The following USP6 variants were observed in gnomAD, a reference collection of about 807,000 sequenced individuals.
USP6 encodes the protein ubiquitin specific peptidase 6, also known as ubiquitin carboxyl-terminal hydrolase 6.
Under a neutral mutation model 175.7 loss-of-function variants are expected in USP6, and 128 were observed. The ratio of observed to expected loss-of-function variants is 0.73; its 90% CI spans 0.63 to 0.84. The LOEUF is 0.84. USP6 is among the 40% of genes least tolerant of loss of function. The probability of loss-of-function intolerance (pLI) is 0.00; values close to 1 mark genes in which losing one functional copy is unlikely to be tolerated. For synonymous variants in USP6, 562 were observed against 630.6 expected, an observed-to-expected ratio of 0.89 and a Z score of 1.63; for missense variants, 1,498 against 1,760.3, an observed-to-expected ratio of 0.85 and a Z score of 2.67.
Position 5,168,820 on chromosome 17 carries a change from G to A in USP6, c.3282G>A (p.Gln1094=). 2 of 1,610,606 alleles carry A rather than the reference G, an allele frequency of 1.2e-6. No homozygotes were observed. The highest frequency in any genetic ancestry group is 1.7e-6 in the Non-Finnish European group (2 of 1,178,700). ...QFVNDQWIKS[Q]KIVRFLRESF... The stretch of plus-strand genomic sequence containing the variant: ...TAAATGATCAGTGGATAAAATCACA[G>A]AAAATTGTCAGATTTCTTCGGGAAA... Residue 1094 remains glutamine, a synonymous_variant, in exon 35 of 38, where the codon CAG becomes CAA. Coordinates refer to ENST00000574788, the MANE Select transcript of USP6 (RefSeq NM_001304284.2).
chr17:5,168,889 C>G lies in USP6; in HGVS notation c.3351C>G (p.Leu1117=), dbSNP rs1467733137. ...TTTTGGTACCACGAGACCCGGCCCTCTGCCAGCATAAACCACTCACACCCC... is the reference window on the plus strand; with the variant it reads ...TTTTGGTACCACGAGACCCGGCCCTGTGCCAGCATAAACCACTCACACCCC... ...SAFLVPRDPA[L]CQHKPLTPQG... The change falls in exon 35 of 38, where the codon CTC becomes CTG. Residue 1117 remains leucine, a synonymous_variant. Coordinates refer to ENST00000574788, the MANE Select transcript of USP6 (RefSeq NM_001304284.2). The G allele has an allele frequency of 6.2e-7, 1 of 1,613,856 alleles. No homozygotes were observed. Among genetic ancestry groups the G allele is most frequent in the African/African-American group, 1.3e-5 (1 of 74,924 alleles).
intron 1 of USP6, among the ~76,000 whole-genome samples, 163 bp downstream of exon 1, chr17:5,116,903 C>T (rs542790164): frequency 2.0e-5 from 3 of 152,264 alleles, no homozygotes; most frequent in Non-Finnish European, 2.9e-5. Context: ...GAGCTAGGTA[C>T]GGAGGGAGCA....
chr17:5,171,039 A>C, intron 36 of USP6, 124 bp downstream of exon 36: 1 of 1,226,562 alleles, frequency 8.2e-7, no homozygotes, highest in Non-Finnish European at 1.1e-6. Context: ...AGTGATAGAC[A>C]AAGTTAACAT....
chr17:5,154,251 C>G (rs2073834877), intron 30 of USP6, among the ~76,000 whole-genome samples: 1 of 152,148 alleles, frequency 6.6e-6, no homozygotes, highest in African/African-American at 2.4e-5. Context: ...GGTCTTTTTA[C>G]TTAGAAACTA....
intron 30 of USP6, among the ~76,000 whole-genome samples, chr17:5,154,798 C>CGATCACA: frequency 6.6e-6 from 1 of 151,918 alleles, no homozygotes; most frequent in Non-Finnish European, 1.5e-5. Context: ...TGTAGTGGCA[C>CGATCACA]GATCACAGAT....
intron 31 of USP6, among the ~76,000 whole-genome samples, chr17:5,158,520 T>A: frequency 6.7e-6 from 1 of 148,388 alleles, no homozygotes; most frequent in Non-Finnish European, 1.5e-5. Context: ...TGAGCTGAGA[T>A]CACACCACTG....
At chr17:5,156,121 A>G (rs2073878677) in intron 31 of USP6, among the ~76,000 whole-genome samples, 1 of 152,090 alleles carries the variant, frequency 6.6e-6, no homozygotes, top group Admixed American at 6.5e-5. Flanking sequence ...TTCCCTTACC[A>G]TGTCATTTTA....
At chr17:5,153,724 C>T (rs1361517546) in intron 30 of USP6, among the ~76,000 whole-genome samples, 1 of 151,922 alleles carries the variant, frequency 6.6e-6, no homozygotes, top group Non-Finnish European at 1.5e-5. Context: ...GGCACGATCT[C>T]GGCTCACTGT....
At chr17:5,122,780 G>A (rs942451634) in intron 4 of USP6, among the ~76,000 whole-genome samples, 8 of 152,250 alleles carry the variant, frequency 5.3e-5, no homozygotes, top group African/African-American at 1.7e-4. Context: ...CTCAGGTCCG[G>A]TAGGGCGAGG....
rs933698051 is a variant in USP6 at position 5,154,158 on chromosome 17, A to T, written c.2644-1264A>T. Among the ~76,000 whole-genome samples, 12 of 152,254 alleles carry T rather than the reference A, an allele frequency of 7.9e-5. 1 individual carries two copies. Among genetic ancestry groups the T allele is most frequent in the African/African-American group, 2.9e-4 (12 of 41,474 alleles). ...CTCTGGGTCTCATAATAATAGTAAC[A>T]TATGAAATAGGGTCTTAAAATTATG... On this transcript the variant is annotated intron_variant, in intron 30 of 37. Coordinates refer to ENST00000574788, the MANE Select transcript of USP6 (RefSeq NM_001304284.2).
intron 21 of USP6, 122 bp from the exon 22 acceptor site, chr17:5,139,133 G>T (rs1376930136): frequency 1.9e-6 from 3 of 1,597,666 alleles, no homozygotes; most frequent in Admixed American, 3.3e-5. Flanking sequence ...TGTCGTCAGT[G>T]TCAGACCACA....
chr17:5,162,368 G>A (rs1379320300), intron 32 of USP6, among the ~76,000 whole-genome samples: 5 of 152,052 alleles, frequency 3.3e-5, no homozygotes, highest in African/African-American at 1.2e-4. Flanking sequence ...AACTGGTCTC[G>A]AACTCCTGAC....
At position 5,147,199 on chromosome 17, in the gene USP6, G is replaced by A; in HGVS notation, c.2431+5G>A. The stretch of plus-strand genomic sequence containing the variant: ...CTTCTAGTCCAACACAAATAGGTAA[G>A]ATAGAACTAGAACTCCTTCTCATGA... On this transcript the variant is annotated splice_donor_5th_base_variant and intron_variant, in intron 29 of 37. Coordinates refer to ENST00000574788, the MANE Select transcript of USP6 (RefSeq NM_001304284.2). 6.2e-7 allele frequency: 1 copy of A among 1,605,452 alleles called. No individual in the cohort carries two copies. The highest frequency in any genetic ancestry group is 8.5e-7 in the Non-Finnish European group (1 of 1,173,458).
Position 5,173,777 on chromosome 17 carries a change from C to T in USP6, c.*799C>T, listed in dbSNP as rs1271657336. On this transcript the variant is annotated 3_prime_UTR_variant, in exon 38 of 38. Coordinates refer to ENST00000574788, the MANE Select transcript of USP6 (RefSeq NM_001304284.2). Reference sequence around the variant, plus strand: ...GAAATGTATTCTGCACCCCCGGCCCCGCCCATGCTGAGGGAAGGGGAGCAG... The same window carrying T: ...GAAATGTATTCTGCACCCCCGGCCCTGCCCATGCTGAGGGAAGGGGAGCAG... 9 of 221,760 alleles carry T rather than the reference C, an allele frequency of 4.1e-5. No individual in the cohort carries two copies. The highest frequency in any genetic ancestry group is 1.2e-4 in the Admixed American group (2 of 17,360). 13.7% of individuals were successfully genotyped at this position (221,760 alleles called of 1,614,324 possible). A position where few individuals can be genotyped will look rare whatever the true frequency, so the allele number is the denominator to read the frequency against.
rs2072541919 is a variant in USP6 at position 5,116,451 on chromosome 17, G to C, written c.-2217G>C. On this transcript the variant is annotated 5_prime_UTR_variant, in exon 1 of 38. Transcript: ENST00000574788. ...TGGCCCATGTGAGCCGCCGTCTCGT[G>C]TGGTGTCTGAGGGGCGTCTACCTGG... 6.6e-6 allele frequency: 1 copy of C among 152,352 alleles called. No homozygotes were observed. Among genetic ancestry groups the C allele is most frequent in the Non-Finnish European group, 1.5e-5 (1 of 68,116 alleles). 9.4% of individuals were successfully genotyped at this position (152,352 alleles called of 1,614,324 possible).
At chr17:5,168,152 C>G in intron 34 of USP6, 29 bp downstream of exon 34, 1 of 1,545,634 alleles carries the variant, frequency 6.5e-7, no homozygotes, top group Non-Finnish European at 8.8e-7. Context: ...TCTGAGAGAG[C>G]AGGAATCTAG....
chr17:5,168,533 C>T (rs182142628), intron 34 of USP6, among the ~76,000 whole-genome samples: 11 of 152,368 alleles, frequency 7.2e-5, no homozygotes, highest in East Asian at 1.9e-4. Context: ...CACATAGTCA[C>T]GTGGCTGTGG....
chr17:5,134,323 C>G, intron 15 of USP6: 1 of 332,618 alleles, frequency 3.0e-6, no homozygotes, highest in Non-Finnish European at 5.7e-6. Flanking sequence ...GATGGAGGGC[C>G]CATGAGCCTC....
At chr17:5,166,112 G>A (rs1018637897) in intron 33 of USP6, among the ~76,000 whole-genome samples, 7 of 152,086 alleles carry the variant, frequency 4.6e-5, no homozygotes, top group African/African-American at 1.7e-4. Flanking sequence ...CGATGATACA[G>A]CACGTTTCCT....
Sources: gnomAD v4.1 joint callset for allele counts (sites outside exome capture counted in the v4.1 genomes callset) on GRCh38, gnomAD v4.1.1 for gene constraint, MANE v1.5 for transcripts, NCBI Gene and HGNC (gene_info 2026-07-23, HGNC 2026-07-21) for gene names.